ERBB4: variants seen among roughly 807,000 people sequenced by gnomAD.
ERBB4 encodes receptor tyrosine-protein kinase erbB-4.
A neutral mutation model predicts 158.0 loss-of-function variants in ERBB4; 42 were observed. The observed-to-expected ratio is 0.27, with a 90% CI of 0.21 to 0.34. ERBB4 has a LOEUF of 0.34. ERBB4 is among the 10% of genes least tolerant of loss of function. The pLI is 1.00. For missense variants in ERBB4, 1,333 were observed against 1,624.1 expected, an observed-to-expected ratio of 0.82 and a Z score of 3.08; for synonymous variants, 583 against 558.7, an observed-to-expected ratio of 1.04 and a Z score of -0.61.
At chr2:211,566,401 A>T (rs2125733274) in intron 19 of ERBB4, among the ~76,000 whole-genome samples, 1 of 152,282 alleles carries the variant, frequency 6.6e-6, no homozygotes, top group East Asian at 1.9e-4. Context: ...ATATCTGCGG[A>T]GACTGCTTGG....
At chr2:212,445,999 T>C (rs2092340610) in intron 1 of ERBB4, among the ~76,000 whole-genome samples, 1 of 152,258 alleles carries the variant, frequency 6.6e-6, no homozygotes, top group South Asian at 2.1e-4. Flanking sequence ...TCATGTGACA[T>C]AAGATTTATT....
chr2:211,776,694 C>T (rs2075884751), intron 4 of ERBB4, among the ~76,000 whole-genome samples: 1 of 152,128 alleles, frequency 6.6e-6, no homozygotes, highest in African/African-American at 2.4e-5. Context: ...TGGTTGTTTA[C>T]AGTTCTGGAA....
intron 2 of ERBB4, among the ~76,000 whole-genome samples, chr2:212,106,775 G>A (rs10178890): frequency 0.011 from 1,692 of 152,328 alleles, 25 homozygotes; most frequent in African/African-American, 0.039. Context: ...TAGGGACTTG[G>A]TGCCCTGTGC....
chr2:211,558,670 C>T (rs890527830), intron 20 of ERBB4, among the ~76,000 whole-genome samples: 4 of 151,878 alleles, frequency 2.6e-5, no homozygotes, highest in Non-Finnish European at 4.4e-5. Context: ...GGCTAAACAA[C>T]ACAAACTCAC....
intron 2 of ERBB4, among the ~76,000 whole-genome samples, chr2:212,089,185 G>T (rs1349421877): frequency 2.6e-5 from 4 of 151,976 alleles, no homozygotes; most frequent in African/African-American, 9.7e-5. Flanking sequence ...AATTAAAATA[G>T]CTTTATTTTT....
intron 1 of ERBB4, among the ~76,000 whole-genome samples, chr2:212,384,890 A>AATATATATAT (rs67216333): frequency 0.013 from 1,578 of 122,854 alleles, 18 homozygotes; most frequent in African/African-American, 0.039. Flanking sequence ...ATGTTTGTGG[A>AATATATATAT]ATATATATAT....
chr2:212,408,835 A>G (rs1264173817), intron 1 of ERBB4, among the ~76,000 whole-genome samples: 3 of 152,168 alleles, frequency 2.0e-5, no homozygotes, highest in African/African-American at 4.8e-5. Context: ...ATTCACTCTG[A>G]AGTTTACAGG....
chr2:211,521,736 C>T (rs7597024), intron 20 of ERBB4, among the ~76,000 whole-genome samples: 18,657 of 152,008 alleles, frequency 0.12, 1,993 homozygotes, highest in African/African-American at 0.29. Flanking sequence ...ATCTGGTGAC[C>T]GGAAATTGAA....
At chr2:211,807,424 C>T (rs1260365606) in intron 3 of ERBB4, among the ~76,000 whole-genome samples, 3 of 152,106 alleles carry the variant, frequency 2.0e-5, no homozygotes, top group African/African-American at 7.2e-5. Context: ...ATAGTTTGCT[C>T]AGGATGATGG....
intron 20 of ERBB4, among the ~76,000 whole-genome samples, chr2:211,554,257 C>T (rs1489753617): frequency 6.6e-6 from 1 of 152,170 alleles, no homozygotes; most frequent in Non-Finnish European, 1.5e-5. Flanking sequence ...ATTTGTGTGT[C>T]CTTTTGGACT....
chr2:212,317,243 C>T lies in ERBB4; in HGVS notation c.83-192340G>A, dbSNP rs977606782. Among the ~76,000 whole-genome samples, 7 of 151,532 alleles carry T rather than the reference C, an allele frequency of 4.6e-5. No homozygotes were observed. In the East Asian group the frequency reaches 1.4e-3, roughly 30 times the overall value. Reference sequence around the variant, plus strand: ...AGGCTAAAAGGAACCCCTGGAAATTCCTTGATCTTTTCAGAATCTTCATTC... The same window carrying T: ...AGGCTAAAAGGAACCCCTGGAAATTTCTTGATCTTTTCAGAATCTTCATTC... On this transcript the variant is annotated intron_variant, in intron 1 of 27. Transcript: ENST00000342788.
intron 3 of ERBB4, among the ~76,000 whole-genome samples, chr2:211,867,023 C>CAAA (rs1559592690): frequency 2.1e-4 from 4 of 19,452 alleles, no homozygotes; most frequent in African/African-American, 5.1e-4. Flanking sequence ...TTCCTTAAAA[C>CAAA]CAAAAAAAAA....
intron 12 of ERBB4, among the ~76,000 whole-genome samples, chr2:211,691,602 G>GTGTGTGTA (rs1225867697): frequency 4.2e-4 from 61 of 145,424 alleles, no homozygotes; most frequent in African/African-American, 1.5e-3. Context: ...GTGTGTGTGT[G>GTGTGTGTA]TATATATATA....
At chr2:211,792,906 T>A (rs2076307254) in intron 3 of ERBB4, among the ~76,000 whole-genome samples, 2 of 151,894 alleles carry the variant, frequency 1.3e-5, no homozygotes, top group South Asian at 4.1e-4. Context: ...CTGCAGTGAA[T>A]TTGGGGATGA....
intron 3 of ERBB4, among the ~76,000 whole-genome samples, chr2:211,893,338 G>T (rs1248031840): frequency 6.9e-6 from 1 of 144,084 alleles, no homozygotes; most frequent in African/African-American, 2.7e-5. Context: ...AAATGGTGCT[G>T]GGAAAACTGG....
intron 25 of ERBB4, among the ~76,000 whole-genome samples, chr2:211,400,809 A>C (rs2063023980): frequency 6.6e-6 from 1 of 152,132 alleles, no homozygotes; most frequent in African/African-American, 2.4e-5. Flanking sequence ...ACAAAGGACA[A>C]ATGTTTGAGA....
chr2:212,218,515 C>G (rs749995831), intron 1 of ERBB4, among the ~76,000 whole-genome samples: 29 of 151,268 alleles, frequency 1.9e-4, no homozygotes, highest in Non-Finnish European at 3.0e-4. Context: ...AGGCCATGTT[C>G]TCATAAGATT....
intron 1 of ERBB4, among the ~76,000 whole-genome samples, chr2:212,224,220 A>G (rs2083399115): frequency 6.6e-6 from 1 of 151,900 alleles, no homozygotes; most frequent in African/African-American, 2.4e-5. Flanking sequence ...TCTCTTTTTC[A>G]GTCTATATGA....
intron 1 of ERBB4, among the ~76,000 whole-genome samples, chr2:212,144,547 T>G (rs1307916460): frequency 6.6e-6 from 1 of 152,230 alleles, no homozygotes; most frequent in East Asian, 1.9e-4. Context: ...AACTATTGCC[T>G]AAAGGATTTC....
Sources: allele counts gnomAD v4.1 joint callset (sites outside exome capture counted in the v4.1 genomes callset), GRCh38; gene constraint gnomAD v4.1.1; transcripts MANE v1.5; gene names NCBI Gene and HGNC (gene_info 2026-07-23, HGNC 2026-07-21).